The following CSMD2 variants were observed in gnomAD, a reference collection of about 807,000 sequenced individuals.
The protein encoded by CSMD2 is CUB and sushi domain-containing protein 2.
In CSMD2, 130 loss-of-function variants were observed where a neutral mutation model predicts 398.5. The ratio of observed to expected loss-of-function variants is 0.33; its 90% CI spans 0.28 to 0.38. The LOEUF is 0.38. Among genes scored for constraint, CSMD2 ranks in the 10% least tolerant of loss-of-function variants. The pLI, the probability that CSMD2 is intolerant of heterozygous loss-of-function variation, is 1.00. For synonymous variants in CSMD2, 1,828 were observed against 1,908.5 expected, an observed-to-expected ratio of 0.96 and a Z score of 1.10; for missense variants, 3,829 against 4,764.9, an observed-to-expected ratio of 0.80 and a Z score of 5.78.
intron 3 of CSMD2, among the ~76,000 whole-genome samples, chr1:33,982,920 C>T (rs1404594912): frequency 6.6e-6 from 1 of 152,276 alleles, no homozygotes; most frequent in South Asian, 2.1e-4. Context: ...GGACTCAGAA[C>T]AAGGGATGGC....
At chr1:33,613,554 C>T (rs555539920) in intron 40 of CSMD2, among the ~76,000 whole-genome samples, 41 of 152,284 alleles carry the variant, frequency 2.7e-4, no homozygotes, top group African/African-American at 7.5e-4. Context: ...CCCCTCCAAC[C>T]GGATTTAGAG....
chr1:33,521,546 G>C lies in CSMD2; in HGVS notation c.10514C>G (p.Ser3505Trp), dbSNP rs750437715. The change falls in exon 68 of 71, where the codon TCG becomes TGG. Residue 3505 changes from serine (S) to tryptophan (W), a missense_variant. Around this residue, in one of 5 missense-constraint regions of CSMD2, gnomAD observed 917 missense variants for 1,199.5 expected, o/e 0.76. Coordinates refer to ENST00000373381, the MANE Select transcript of CSMD2 (RefSeq NM_001281956.2). The stretch of plus-strand genomic sequence containing the variant: ...GAAGGTGGCTCCGGAGGACTCTGAC[G>C]AGACCTGTGATGGTGGGGAGCACAG... The part of the protein sequence containing the change: ...DDHWALDGHV[S>W]SESSGATFIY... 9 of 1,605,840 alleles carry C rather than the reference G, an allele frequency of 5.6e-6. No individual in the cohort carries two copies. Among genetic ancestry groups the C allele is most frequent in the Non-Finnish European group, 7.7e-6 (9 of 1,172,474 alleles).
intron 27 of CSMD2, among the ~76,000 whole-genome samples, chr1:33,654,810 G>A (rs1034905092): frequency 1.3e-4 from 20 of 152,196 alleles, no homozygotes; most frequent in African/African-American, 4.8e-4. Context: ...CAGCCTCCAC[G>A]TCCCTTTGCC....
chr1:33,912,606 A>G (rs1025703569), intron 5 of CSMD2, among the ~76,000 whole-genome samples: 2 of 152,056 alleles, frequency 1.3e-5, no homozygotes, highest in African/African-American at 2.4e-5. Flanking sequence ...AGAGAGAGCG[A>G]GGGGGCACAA....
At chr1:33,960,459 T>C (rs1298188164) in intron 3 of CSMD2, among the ~76,000 whole-genome samples, 1 of 152,212 alleles carries the variant, frequency 6.6e-6, no homozygotes, top group Admixed American at 6.5e-5. Flanking sequence ...AATTATTCAA[T>C]AATTTATTTT....
chr1:33,814,678 G>A (rs770610414), intron 9 of CSMD2, among the ~76,000 whole-genome samples: 1 of 152,104 alleles, frequency 6.6e-6, no homozygotes, highest in Non-Finnish European at 1.5e-5. Flanking sequence ...CTGACACCCT[G>A]CTCTTCCTCC....
intron 53 of CSMD2, among the ~76,000 whole-genome samples, chr1:33,562,556 T>G (rs188136692): frequency 4.9e-4 from 74 of 152,292 alleles, no homozygotes; most frequent in African/African-American, 1.7e-3. Flanking sequence ...GCAATTAGTG[T>G]AGGCAACCGT....
chr1:33,962,603 G>A (rs1224234553), intron 3 of CSMD2, among the ~76,000 whole-genome samples: 1 of 152,116 alleles, frequency 6.6e-6, no homozygotes, highest in East Asian at 1.9e-4. Context: ...TCCTTCCAAT[G>A]GCCTGCAGGG....
At chr1:33,574,573 A>C (rs1659896666) in intron 49 of CSMD2, among the ~76,000 whole-genome samples, 1 of 152,212 alleles carries the variant, frequency 6.6e-6, no homozygotes, top group African/African-American at 2.4e-5. Flanking sequence ...AGTCCCATTG[A>C]GATTGCCTAA....
chr1:34,164,858 G>A lies in CSMD2; in HGVS notation c.187+53C>T. ...CCGGGTCGAGGATGGGTGGGCTCGG[G>A]GCTCGGGTGGGGCGCGCGGCGGCCG... On this transcript the variant is annotated intron_variant, in intron 1 of 70. Transcript: ENST00000373381. This position sits in a 1 kb window ranked among gnomAD's most constrained non-coding sequence, Gnocchi z 6.2. 9.9e-6 allele frequency: 12 copies of A among 1,214,280 alleles called. No individual in the cohort carries two copies. Among genetic ancestry groups the A allele is most frequent in the Non-Finnish European group, 1.2e-5 (12 of 976,296 alleles). The allele number at this position is 1,214,280 out of a possible 1,614,324, so 75.2% of individuals were successfully genotyped here. A position where few individuals can be genotyped will look rare whatever the true frequency, so the allele number is the denominator to read the frequency against.
intron 5 of CSMD2, among the ~76,000 whole-genome samples, chr1:33,877,091 T>C (rs1297084761): frequency 6.6e-6 from 1 of 152,182 alleles, no homozygotes; most frequent in Non-Finnish European, 1.5e-5. Flanking sequence ...AAGCCCTCTT[T>C]TGGCAAGATC....
At chr1:33,579,766 C>A (rs1400564517) in intron 48 of CSMD2, among the ~76,000 whole-genome samples, 1 of 151,840 alleles carries the variant, frequency 6.6e-6, no homozygotes, top group Non-Finnish European at 1.5e-5. Flanking sequence ...GCAACCTCCA[C>A]CTCCCAGGTT....
chr1:33,594,089 C>T (rs915736212), intron 44 of CSMD2, among the ~76,000 whole-genome samples: 1 of 152,140 alleles, frequency 6.6e-6, no homozygotes. Context: ...TGTATTTGCA[C>T]TGCTTTGAAT....
At chr1:34,069,434 T>C (rs766366742) in intron 2 of CSMD2, among the ~76,000 whole-genome samples, 4 of 152,122 alleles carry the variant, frequency 2.6e-5, no homozygotes, top group Non-Finnish European at 5.9e-5. Context: ...CGTGGGTGCT[T>C]GGCTTGCATA....
At chr1:34,019,982 A>G (rs1648657972) in intron 3 of CSMD2, among the ~76,000 whole-genome samples, 1 of 152,234 alleles carries the variant, frequency 6.6e-6, no homozygotes, top group Non-Finnish European at 1.5e-5. Flanking sequence ...TCAGCACAGA[A>G]CAATAGTAAT....
Position 33,636,356 on chromosome 1 carries a change from C to T in CSMD2, c.4969+4G>A. ...GACCCCTGCCATCCCCAGGCTTCCA[C>T]CACCTGTGCAGACTGGCCGGGGATT... is the stretch of plus-strand genomic sequence containing the variant. On this transcript the variant is annotated splice_donor_region_variant and intron_variant, in intron 30 of 70. Coordinates refer to ENST00000373381, the MANE Select transcript of CSMD2 (RefSeq NM_001281956.2). This position sits in a 1 kb window ranked among gnomAD's most constrained non-coding sequence, Gnocchi z 4.8. The T allele has an allele frequency of 6.3e-7, 1 of 1,596,612 alleles. No homozygotes were observed. The highest frequency in any genetic ancestry group is 8.5e-7 in the Non-Finnish European group (1 of 1,170,704).
At chr1:33,985,485 C>T (rs1307678156) in intron 3 of CSMD2, among the ~76,000 whole-genome samples, 2 of 152,166 alleles carry the variant, frequency 1.3e-5, no homozygotes, top group Non-Finnish European at 1.5e-5. Context: ...TGGAAGTGGT[C>T]CATCTGTTGG....
At chr1:34,102,617 A>ATATCCCTGTAATCTGG (rs1558390416) in intron 1 of CSMD2, among the ~76,000 whole-genome samples, 4 of 75,256 alleles carry the variant, frequency 5.3e-5, no homozygotes, top group African/African-American at 2.2e-4. Flanking sequence ...CTGTGATCCA[A>ATATCCCTGTAATCTGG]CCATATCCCT....
chr1:34,130,566 C>T (rs948710343), intron 1 of CSMD2, among the ~76,000 whole-genome samples: 1 of 151,812 alleles, frequency 6.6e-6, no homozygotes, highest in Non-Finnish European at 1.5e-5. Flanking sequence ...GAGGGGTGAC[C>T]GAATCAGATC....
Sources: allele counts gnomAD v4.1 joint callset (sites outside exome capture counted in the v4.1 genomes callset), GRCh38; gene constraint gnomAD v4.1.1; regional missense constraint gnomAD v4.1.1; non-coding constraint Gnocchi (gnomAD v3.1); transcripts MANE v1.5; gene names NCBI Gene and HGNC (gene_info 2026-07-23, HGNC 2026-07-21).